UBXN6: variants seen among roughly 807,000 people sequenced by gnomAD.
UBXN6 encodes the protein UBX domain protein 6.
A neutral mutation model predicts 51.4 loss-of-function variants in UBXN6; 44 were observed. The ratio of observed to expected loss-of-function variants is 0.86; its 90% CI spans 0.67 to 1.10. The LOEUF is 1.10. UBXN6 is among the 50% of genes least tolerant of loss of function. The pLI is 0.00. For missense variants in UBXN6, 672 were observed against 596.1 expected, an observed-to-expected ratio of 1.13 and a Z score of -1.32; for synonymous variants, 316 against 263.2, an observed-to-expected ratio of 1.20 and a Z score of -1.94.
chr19:4,449,203 C>A, intron 4 of UBXN6: 1 of 153,318 alleles, frequency 6.5e-6, no homozygotes, highest in Non-Finnish European at 1.5e-5. Context: ...CAGAGAGCCA[C>A]CCATGGCCTG....
In UBXN6 at chr19:4,452,756, A is replaced by G. The variant is rs558743566; in HGVS notation, c.313-264T>C. Among the ~76,000 whole-genome samples, 7 of 152,324 alleles carry G rather than the reference A, an allele frequency of 4.6e-5. No homozygotes were observed. In the South Asian group the frequency reaches 1.2e-3, roughly 27 times the overall value. ...AAGTACGGAGCAGCTTCTGACACGC[A>G]GGAAACACCCAGCAGATGGCAGCTG... is the stretch of plus-strand genomic sequence containing the variant. On this transcript the variant is annotated intron_variant, in intron 3 of 10. Transcript: ENST00000301281.
intron 4 of UBXN6, chr19:4,448,730 G>A (rs148210917): frequency 0.032 from 12,084 of 374,684 alleles, 272 homozygotes; most frequent in Non-Finnish European, 0.044. Context: ...TTTAGAACTC[G>A]ACCTCAGTGC....
rs770141698 is a variant in UBXN6, at chr19:4,446,149, C to A, written c.1100G>T (p.Arg367Leu). The A allele has an allele frequency of 1.9e-6, 3 of 1,610,984 alleles. No homozygotes were observed. Among genetic ancestry groups the A allele is most frequent in the African/African-American group, 1.3e-5 (1 of 75,018 alleles). Residue 367 changes from arginine (R) to leucine (L), a missense_variant, in exon 10 of 11, where the codon CGG becomes CTG. By Grantham distance (102) the Arg-to-Leu change is moderately radical. Coordinates refer to ENST00000301281, the MANE Select transcript of UBXN6 (RefSeq NM_025241.3). ...CAGCCAGTCGCTCTGCAGGGCCTCC[C>A]GGACGAACCCGTACACCGCCCCCAG... ...ERLGAVYGFV[R>L]EALQSDWLPF... is the part of the protein sequence containing the mutation.
chr19:4,456,035 T>C (rs1974734728), intron 1 of UBXN6, among the ~76,000 whole-genome samples: 1 of 152,022 alleles, frequency 6.6e-6, no homozygotes, highest in African/African-American at 2.4e-5. Flanking sequence ...AAACAGGACT[T>C]GGTGCCCACC....
intron 4 of UBXN6, chr19:4,449,301 T>G (rs1169185229): frequency 6.5e-6 from 1 of 152,774 alleles, no homozygotes; most frequent in Non-Finnish European, 1.5e-5. Flanking sequence ...GTGTCAGGAT[T>G]CGGGCCACCT....
At chr19:4,448,755 G>A (rs939746324) in intron 4 of UBXN6, 19 of 290,066 alleles carry the variant, frequency 6.6e-5, no homozygotes, top group Non-Finnish European at 1.3e-4. Flanking sequence ...ATCCATCAAG[G>A]CCACCGCCAC....
intron 1 of UBXN6, chr19:4,455,128 G>GGCAGAGAAGCCTC: frequency 1.2e-6 from 1 of 857,588 alleles, no homozygotes; most frequent in Non-Finnish European, 1.4e-6. Context: ...ACAGTGACCT[G>GGCAGAGAAGCCTC]GCAGAGAAGC....
intron 4 of UBXN6, among the ~76,000 whole-genome samples, chr19:4,451,350 G>A (rs1365255849): frequency 6.6e-6 from 1 of 152,080 alleles, no homozygotes; most frequent in African/African-American, 2.4e-5. Flanking sequence ...GAGCCACCGC[G>A]CCCAGCCACT....
chr19:4,453,323 C>T, intron 3 of UBXN6, 135 bp downstream of exon 3: 1 of 971,444 alleles, frequency 1.0e-6, no homozygotes, highest in Admixed American at 2.5e-5. Flanking sequence ...TCCACCACAA[C>T]CTGTGTCCAC....
chr19:4,448,528 C>T (rs1029077562), intron 4 of UBXN6, 113 bp from the exon 5 acceptor site: 2 of 842,398 alleles, frequency 2.4e-6, no homozygotes, highest in Non-Finnish European at 3.8e-6. Context: ...CTTGGAGCGG[C>T]CCCAGCTGTG....
intron 6 of UBXN6, 24 bp from the exon 7 acceptor site, chr19:4,446,944 TG>T (rs753111928): frequency 1.2e-6 from 2 of 1,609,878 alleles, no homozygotes; most frequent in Non-Finnish European, 1.7e-6. Context: ...TGGGCGTCAC[TG>T]GGGGCCCCTG....
chr19:4,456,820 C>T (rs1974745762), intron 1 of UBXN6, among the ~76,000 whole-genome samples: 1 of 152,114 alleles, frequency 6.6e-6, no homozygotes, highest in South Asian at 2.1e-4. Flanking sequence ...TCTGTCTCAC[C>T]CGTCTTCTCC....
Position 4,453,539 on chromosome 19 carries a change from G to C in UBXN6, c.248-17C>G. On this transcript the variant is annotated splice_polypyrimidine_tract_variant and intron_variant, in intron 2 of 10. Transcript: ENST00000301281. ...CCTTTCTCACTGGAAGGCAGCCCAA[G>C]AAAGAGAGGCAGAGACGGGATAGTG... is the stretch of plus-strand genomic sequence containing the variant. The C allele has an allele frequency of 6.2e-7, 1 of 1,612,816 alleles. No homozygotes were observed. Among genetic ancestry groups the C allele is most frequent in the Non-Finnish European group, 8.5e-7 (1 of 1,179,658 alleles).
At chr19:4,454,520 T>C (rs189930963) in intron 1 of UBXN6, among the ~76,000 whole-genome samples, 120 of 152,250 alleles carry the variant, frequency 7.9e-4, no homozygotes, top group African/African-American at 2.8e-3. Flanking sequence ...GCTCCCAGGC[T>C]CAAGGAATCC....
rs200775962 is a variant in UBXN6 at position 4,452,444 on chromosome 19, C to G, written c.361G>C (p.Val121Leu). 17 of 1,612,202 alleles carry G rather than the reference C, an allele frequency of 1.1e-5. No individual in the cohort carries two copies. The highest frequency in any genetic ancestry group is 1.4e-5 in the Non-Finnish European group (17 of 1,179,912). ...EGSAHLAVPGVYFTCPLTGAT... is the reference protein window; with the variant it reads ...EGSAHLAVPGLYFTCPLTGAT... The stretch of plus-strand genomic sequence containing the variant: ...CCAGTGAGCGGACAGGTGAAGTACA[C>G]GCCAGGCACAGCCAGGTGGGCAGAG... The change falls in exon 4 of 11, where the codon GTG becomes CTG. Residue 121 changes from valine to leucine, a missense_variant. Physicochemically the swap from Val to Leu is conservative, Grantham distance 32. Coordinates refer to ENST00000301281, the MANE Select transcript of UBXN6 (RefSeq NM_025241.3).
Position 4,457,616 on chromosome 19 carries a change from C to T in UBXN6, c.82G>A (p.Gly28Arg), listed in dbSNP as rs1974758480. Residue 28 changes from glycine (G) to arginine (R), a missense_variant and splice_region_variant, in exon 1 of 11, where the codon GGG becomes AGG. Coordinates refer to ENST00000301281, the MANE Select transcript of UBXN6 (RefSeq NM_025241.3). ...GPGQKLKESV[G>R]EKAHKEKPNQ... is the part of the protein sequence containing the mutation. ...CAAGCCCCTGCGTTCCTCACGCACCCCACGGACTCTTTGAGCTTCTGACCG... is the reference window on the plus strand; with the variant it reads ...CAAGCCCCTGCGTTCCTCACGCACCTCACGGACTCTTTGAGCTTCTGACCG... 1.3e-6 allele frequency: 2 copies of T among 1,598,032 alleles called. No individual in the cohort carries two copies. The highest frequency in any genetic ancestry group is 2.2e-5 in the South Asian group (2 of 90,334).
intron 4 of UBXN6, among the ~76,000 whole-genome samples, chr19:4,452,152 A>G (rs922553440): frequency 1.1e-4 from 17 of 151,660 alleles, no homozygotes; most frequent in African/African-American, 3.6e-4. Context: ...CCATCTCAAA[A>G]AAAAAAAAAA....
intron 2 of UBXN6, 88 bp from the exon 3 acceptor site, chr19:4,453,610 C>A: frequency 6.6e-7 from 1 of 1,510,496 alleles, no homozygotes; most frequent in East Asian, 2.4e-5. Flanking sequence ...CCGGGGTGGG[C>A]CTGGGGGCCA....
intron 7 of UBXN6, 46 bp downstream of exon 7, chr19:4,446,790 G>C (rs980777223): frequency 1.9e-6 from 3 of 1,613,554 alleles, no homozygotes; most frequent in Non-Finnish European, 2.5e-6. Flanking sequence ...CCTGCCCCGA[G>C]GCCCCTCGTC....
Sources: gnomAD v4.1 joint callset for allele counts (sites outside exome capture counted in the v4.1 genomes callset) on GRCh38, gnomAD v4.1.1 for gene constraint, MANE v1.5 for transcripts, NCBI Gene and HGNC (gene_info 2026-07-23, HGNC 2026-07-21) for gene names.